EXD3: variants seen among roughly 807,000 people sequenced by gnomAD.
EXD3 encodes exonuclease mut-7 homolog.
In EXD3, 92 loss-of-function variants were observed where a neutral mutation model predicts 98.0. That is an observed-to-expected ratio of 0.94 (90% CI 0.79 to 1.12). The LOEUF is 1.12. EXD3 is among the 50% of genes most tolerant of loss of function. The pLI, the probability that EXD3 is intolerant of heterozygous loss-of-function variation, is 0.00. For missense variants in EXD3, 1,222 were observed against 1,191.6 expected, an observed-to-expected ratio of 1.03 and a Z score of -0.38; for synonymous variants, 569 against 526.0, an observed-to-expected ratio of 1.08 and a Z score of -1.12.
At chr9:137,411,158 G>GAGTC (rs1321467110) in intron 1 of EXD3, among the ~76,000 whole-genome samples, 1 of 152,212 alleles carries the variant, frequency 6.6e-6, no homozygotes, top group Admixed American at 6.5e-5. Context: ...CCCGGGTGGG[G>GAGTC]AGTCCCAGGC....
At chr9:137,394,062 G>A (rs1209854698) in intron 2 of EXD3, among the ~76,000 whole-genome samples, 1 of 152,214 alleles carries the variant, frequency 6.6e-6, no homozygotes, top group Non-Finnish European at 1.5e-5. Flanking sequence ...GAGAGCAGCT[G>A]AGGCTCGGGC....
At chr9:137,382,127 G>T (rs1490832392) in intron 3 of EXD3, among the ~76,000 whole-genome samples, 1 of 137,028 alleles carries the variant, frequency 7.3e-6, no homozygotes, top group African/African-American at 2.8e-5. Context: ...GGAGGTGAGG[G>T]CGCGGGGAGG....
At chr9:137,409,679 C>T (rs1047605494) in intron 1 of EXD3, among the ~76,000 whole-genome samples, 6 of 152,156 alleles carry the variant, frequency 3.9e-5, no homozygotes, top group East Asian at 1.9e-4. Context: ...AGAATGGAAA[C>T]GGCTGGCAAG....
In EXD3 at chr9:137,367,907, T is replaced by G. The variant is rs370092359; in HGVS notation, c.516+29A>C. The G allele has an allele frequency of 9.3e-6, 15 of 1,608,924 alleles. No homozygotes were observed. In the African/African-American group the frequency reaches 1.9e-4, roughly 20 times the overall value. On this transcript the variant is annotated intron_variant, in intron 6 of 21. Coordinates refer to ENST00000340951, the MANE Select transcript of EXD3 (RefSeq NM_017820.5). ...CCTGGGCGTTATCCAAGTTTGAACC[T>G]AAACAATTTACATGAGAAAGACGTT...
intron 19 of EXD3, among the ~76,000 whole-genome samples, chr9:137,319,293 G>C (rs541787517): frequency 6.6e-6 from 1 of 152,220 alleles, no homozygotes; most frequent in Non-Finnish European, 1.5e-5. Flanking sequence ...TGGCAGGCCC[G>C]GGGTCTGCAG....
intron 3 of EXD3, among the ~76,000 whole-genome samples, chr9:137,379,698 C>G (rs1836129818): frequency 6.6e-6 from 1 of 151,970 alleles, no homozygotes; most frequent in African/African-American, 2.4e-5. Flanking sequence ...GCATCTTACC[C>G]CAATAAAGCA....
At chr9:137,336,221 C>T (rs548119949) in intron 17 of EXD3, among the ~76,000 whole-genome samples, 1 of 152,214 alleles carries the variant, frequency 6.6e-6, no homozygotes, top group South Asian at 2.1e-4. Context: ...AGTGCAGTAA[C>T]GTATCAGACT....
In EXD3 at chr9:137,395,570, A is replaced by G. The variant is rs1406174035; in HGVS notation, c.-47-166T>C. On this transcript the variant is annotated intron_variant, in intron 1 of 21. Transcript: ENST00000340951. This position sits in a 1 kb window ranked among gnomAD's most constrained non-coding sequence, Gnocchi z 6.5. Reference sequence around the variant, plus strand: ...GCGGGCAGCTCCACACTCCTCTCCCAGCTGGGGTGACGGCTGCCAAGTTTG... The same window carrying G: ...GCGGGCAGCTCCACACTCCTCTCCCGGCTGGGGTGACGGCTGCCAAGTTTG... Among the ~76,000 whole-genome samples, 1 of 151,450 alleles carries G rather than the reference A, an allele frequency of 6.6e-6. No homozygotes were observed. Among genetic ancestry groups the G allele is most frequent in the African/African-American group, 2.4e-5 (1 of 41,236 alleles).
In EXD3 at chr9:137,351,067, C is replaced by T. The variant is rs370376781; in HGVS notation, c.1465G>A (p.Gly489Ser). Residue 489 changes from glycine (G) to serine (S), a missense_variant, in exon 14 of 22, where the codon GGC (glycine) becomes AGC (serine). Coordinates refer to ENST00000340951, the MANE Select transcript of EXD3 (RefSeq NM_017820.5). Reference protein sequence around the residue: ...LAHVEKQILGGMDLLLVHRQM... With the variant: ...LAHVEKQILGSMDLLLVHRQM... ...CTGTGCACCAGCAGCAGGTCCATGC[C>T]GCCCAGAATCTGCTTCTCCACATGG... 3.2e-5 allele frequency: 51 copies of T among 1,573,204 alleles called. No homozygotes were observed. The highest frequency in any genetic ancestry group is 1.7e-4 in the Middle Eastern group (1 of 6,028).
chr9:137,328,574 C>G lies in EXD3; in HGVS notation c.1999-4431G>C, dbSNP rs113073786. ...TCAAAGGGAAGAAACAGACTAGTTA[C>G]ACAGGAGCTACACGGGACTACACGG... On this transcript the variant is annotated intron_variant, in intron 17 of 21. Coordinates refer to ENST00000340951, the MANE Select transcript of EXD3 (RefSeq NM_017820.5). 3.3e-5 allele frequency among the ~76,000 whole-genome samples: 4 copies of G among 119,994 alleles called. 1 individual carries two copies. The South Asian group carries it at 9.6e-4, about 29-fold the overall frequency. The allele number at this position is 119,994 out of a possible 152,430, so 78.7% of individuals were successfully genotyped here. A position where few individuals can be genotyped will look rare whatever the true frequency, so the allele number is the denominator to read the frequency against.
intron 8 of EXD3, among the ~76,000 whole-genome samples, chr9:137,355,649 A>C (rs960616113): frequency 5.6e-5 from 7 of 124,988 alleles, no homozygotes; most frequent in Admixed American, 1.8e-4. Context: ...GGAAGGAGGA[A>C]GGAGGAAGGA....
At chr9:137,336,940 C>T (rs1833383805) in intron 17 of EXD3, among the ~76,000 whole-genome samples, 1 of 151,846 alleles carries the variant, frequency 6.6e-6, no homozygotes, top group Non-Finnish European at 1.5e-5. Context: ...AAGGACTAAA[C>T]TAATAAGTTA....
In EXD3 at chr9:137,416,510, C is replaced by CG. The variant is rs371904568; in HGVS notation, c.-48+6603dup. Among the ~76,000 whole-genome samples the CG allele has an allele frequency of 9.0e-4, 137 of 152,350 alleles. 1 individual carries two copies. Among genetic ancestry groups the CG allele is most frequent in the African/African-American group, 3.2e-3 (132 of 41,574 alleles). ...ACATCCGGCCGGCCCAGCTGACCCC[C>CG]GGGCAGGCGCCCGGAACCTCGCTGG... is the stretch of plus-strand genomic sequence containing the variant. On this transcript the variant is annotated intron_variant, in intron 1 of 21. Coordinates refer to ENST00000340951, the MANE Select transcript of EXD3 (RefSeq NM_017820.5).
intron 14 of EXD3, 88 bp downstream of exon 14, chr9:137,350,950 G>T: frequency 9.4e-7 from 1 of 1,061,164 alleles, no homozygotes. Flanking sequence ...AGAAGCCCAG[G>T]GCCGCTGGGA....
At chr9:137,330,582 GACTACAC>G (rs1413328547) in intron 17 of EXD3, among the ~76,000 whole-genome samples, 6 of 117,084 alleles carry the variant, frequency 5.1e-5, no homozygotes, top group Admixed American at 7.9e-5. Context: ...AGCTACACAG[GACTACAC>G]AGGACTACAC....
chr9:137,366,556 C>T lies in EXD3; in HGVS notation c.593G>A (p.Arg198Lys). The change falls in exon 7 of 22, where the codon AGG (arginine) becomes AAG (lysine). Residue 198 changes from arginine (R) to lysine (K), a missense_variant. Transcript: ENST00000340951. ...GGAATCCATGAGGACCAGCAGCCTC[C>T]TCTGGAGGTCCGGGAAGCCGGCCAC... is the stretch of plus-strand genomic sequence containing the variant. ...RYVAGFPDLQ[R>K]RLLVLMDSWC... 6.4e-7 allele frequency: 1 copy of T among 1,552,124 alleles called. No individual in the cohort carries two copies.
intron 17 of EXD3, among the ~76,000 whole-genome samples, chr9:137,339,861 A>G (rs1040090333): frequency 6.6e-6 from 1 of 152,232 alleles, no homozygotes; most frequent in Non-Finnish European, 1.5e-5. Context: ...CAGCATTTCT[A>G]TTCGACACTG....
At position 137,371,472 on chromosome 9, in the gene EXD3, G is replaced by A. The variant is rs757473547; in HGVS notation, c.462+1433C>T. On this transcript the variant is annotated intron_variant, in intron 5 of 21. Transcript: ENST00000340951. The surrounding 1 kb of genome is among the most constrained non-coding windows in gnomAD (Gnocchi z 8.0). Reference sequence around the variant, plus strand: ...CCCAGGTTCCAATGCACCTCCTCACGGTGAGGGGTCTTGCTGGGAAGAGGA... The same window carrying A: ...CCCAGGTTCCAATGCACCTCCTCACAGTGAGGGGTCTTGCTGGGAAGAGGA... 1.7e-4 allele frequency among the ~76,000 whole-genome samples: 26 copies of A among 152,112 alleles called. No homozygotes were observed. Among genetic ancestry groups the A allele is most frequent in the Non-Finnish European group, 7.4e-5 (5 of 67,992 alleles).
intron 7 of EXD3, among the ~76,000 whole-genome samples, chr9:137,364,916 C>G (rs1243680136): frequency 6.6e-6 from 1 of 151,648 alleles, no homozygotes; most frequent in African/African-American, 2.4e-5. Flanking sequence ...CTACAGGCGC[C>G]TGCTACCGTG....
Sources: allele counts gnomAD v4.1 joint callset (sites outside exome capture counted in the v4.1 genomes callset), GRCh38; gene constraint gnomAD v4.1.1; non-coding constraint Gnocchi (gnomAD v3.1); transcripts MANE v1.5; gene names NCBI Gene and HGNC (gene_info 2026-07-23, HGNC 2026-07-21).